RBFOX1: variants seen among roughly 807,000 people sequenced by gnomAD.
The protein encoded by RBFOX1 is RNA binding protein fox-1 homolog 1.
A neutral mutation model predicts 57.7 loss-of-function variants in RBFOX1; 8 were observed. The observed-to-expected ratio is 0.14, with a 90% CI of 0.08 to 0.25. The LOEUF is 0.25. RBFOX1 is among the 10% of genes least tolerant of loss of function. The pLI is 1.00. For synonymous variants in RBFOX1, 326 were observed against 222.4 expected (o/e 1.47, Z -4.15); for missense variants, 611 against 548.5 (o/e 1.11, Z -1.14).
chr16:6,168,543 T>C (rs886554996), intron 1 of RBFOX1, among the ~76,000 whole-genome samples: 5 of 152,156 alleles, frequency 3.3e-5, no homozygotes, highest in Non-Finnish European at 5.9e-5. Flanking sequence ...TCATTACCGA[T>C]TATGTATAAA....
At chr16:5,540,909 G>C (rs2044915377) in intron 2 of RBFOX1, among the ~76,000 whole-genome samples, 1 of 152,142 alleles carries the variant, frequency 6.6e-6, no homozygotes, top group African/African-American at 2.4e-5. Flanking sequence ...GAGTGCAGTG[G>C]TGTGATCTCG....
chr16:6,229,728 T>C (rs1053011050), intron 1 of RBFOX1, among the ~76,000 whole-genome samples: 5 of 152,114 alleles, frequency 3.3e-5, no homozygotes, highest in Admixed American at 6.6e-5. Context: ...AAAATAAGAT[T>C]TTCTTTGCTT....
intron 1 of RBFOX1, among the ~76,000 whole-genome samples, chr16:5,429,004 A>G (rs1032779608): frequency 4.6e-5 from 7 of 152,038 alleles, no homozygotes; most frequent in African/African-American, 1.7e-4. Context: ...GTGGCTTTTT[A>G]AATGGAAGTA....
intron 1 of RBFOX1, among the ~76,000 whole-genome samples, chr16:5,384,810 A>G (rs2066216681): frequency 6.6e-6 from 1 of 152,120 alleles, no homozygotes; most frequent in Admixed American, 6.5e-5. Context: ...AGGATGCTTC[A>G]CGTATAAATG....
At chr16:6,376,005 C>T (rs1222462747) in intron 2 of RBFOX1, among the ~76,000 whole-genome samples, 3 of 152,166 alleles carry the variant, frequency 2.0e-5, no homozygotes, top group African/African-American at 4.8e-5. Context: ...TGTTTCATGA[C>T]TCAGTCATCC....
At chr16:7,308,814 G>A (rs1568139214) in intron 4 of RBFOX1, among the ~76,000 whole-genome samples, 1 of 152,220 alleles carries the variant, frequency 6.6e-6, no homozygotes, top group Non-Finnish European at 1.5e-5. Flanking sequence ...ACCAGCCACG[G>A]TTATAAATTT....
intron 2 of RBFOX1, among the ~76,000 whole-genome samples, chr16:6,619,420 T>C (rs900192310): frequency 3.9e-5 from 6 of 152,220 alleles, no homozygotes; most frequent in African/African-American, 1.4e-4. Context: ...GTTCCCTTTT[T>C]CTGCAAACTC....
chr16:6,516,894 C>G (rs925866694), intron 2 of RBFOX1, among the ~76,000 whole-genome samples: 2 of 152,056 alleles, frequency 1.3e-5, no homozygotes, highest in Admixed American at 6.6e-5. Context: ...AAAAAGAGCC[C>G]CAGTCTTGGC....
intron 4 of RBFOX1, among the ~76,000 whole-genome samples, chr16:7,117,070 A>G (rs957140518): frequency 1.3e-5 from 2 of 152,262 alleles, no homozygotes; most frequent in African/African-American, 4.8e-5. Flanking sequence ...AGCTATAAAT[A>G]CTCAAAAGCA....
chr16:5,248,487 T>C (rs1378091622), intron 1 of RBFOX1, among the ~76,000 whole-genome samples: 1 of 152,124 alleles, frequency 6.6e-6, no homozygotes, highest in East Asian at 1.9e-4. Context: ...AGGGGGCAGG[T>C]CACCCACAGC....
chr16:6,463,540 G>A (rs1226828312), intron 2 of RBFOX1, among the ~76,000 whole-genome samples: 4 of 152,114 alleles, frequency 2.6e-5, no homozygotes, highest in Non-Finnish European at 5.9e-5. Flanking sequence ...CGGAGTGTAA[G>A]TGGCAGAAAT....
chr16:7,294,255 A>G (rs887971192), intron 4 of RBFOX1, among the ~76,000 whole-genome samples: 2 of 152,050 alleles, frequency 1.3e-5, no homozygotes, highest in Admixed American at 6.5e-5. Context: ...ACGCACTTAC[A>G]TTCAGTCCTG....
At chr16:6,827,191 A>C (rs1468027360) in intron 3 of RBFOX1, among the ~76,000 whole-genome samples, 2 of 128,878 alleles carry the variant, frequency 1.6e-5, no homozygotes, top group African/African-American at 6.4e-5. Context: ...AATCCATTGT[A>C]TTAGAGGTGT....
At chr16:5,325,682 A>G (rs2064550344) in intron 1 of RBFOX1, among the ~76,000 whole-genome samples, 1 of 152,204 alleles carries the variant, frequency 6.6e-6, no homozygotes, top group East Asian at 1.9e-4. Flanking sequence ...GAAACCATGT[A>G]GTATGCAACC....
intron 4 of RBFOX1, among the ~76,000 whole-genome samples, chr16:7,372,427 T>G (rs1461071847): frequency 6.6e-6 from 1 of 152,180 alleles, no homozygotes; most frequent in Non-Finnish European, 1.5e-5. Flanking sequence ...TTATGCCTCT[T>G]TATTTCTTTT....
chr16:7,080,766 G>C (rs538800010), intron 4 of RBFOX1, among the ~76,000 whole-genome samples: 1 of 152,178 alleles, frequency 6.6e-6, no homozygotes, highest in Non-Finnish European at 1.5e-5. Context: ...CCTCTTGCAA[G>C]GTATCATCAT....
In RBFOX1 at chr16:6,940,199, A is replaced by AAT. The variant is rs2078120739; in HGVS notation, c.-15-111857_-15-111856insTA. ...AGAGTGAGACTCCATCTCAAAAATA[A>AAT]AAATAAATAAATAAATAAATAGGTA... On this transcript the variant is annotated intron_variant, in intron 3 of 15. Transcript: ENST00000550418. Among the ~76,000 whole-genome samples the AAT allele has an allele frequency of 6.3e-5, 9 of 141,842 alleles. No individual in the cohort carries two copies. In the South Asian group the frequency reaches 2.1e-3, roughly 33 times the overall value. 93.1% of individuals were successfully genotyped at this position (141,842 alleles called of 152,430 possible).
At chr16:5,892,190 G>A (rs1172306380) in intron 4 of RBFOX1, among the ~76,000 whole-genome samples, 1 of 152,176 alleles carries the variant, frequency 6.6e-6, no homozygotes, top group African/African-American at 2.4e-5. Context: ...AGAGAGAGGG[G>A]CTGGCAGTGC....
chr16:7,134,396 A>T (rs1382824580), intron 4 of RBFOX1, among the ~76,000 whole-genome samples: 1 of 152,172 alleles, frequency 6.6e-6, no homozygotes, highest in East Asian at 1.9e-4. Flanking sequence ...ATTTATAGTG[A>T]TGGTGATTAC....
Sources: allele counts gnomAD v4.1 joint callset (sites outside exome capture counted in the v4.1 genomes callset), GRCh38; gene constraint gnomAD v4.1.1; transcripts MANE v1.5; gene names NCBI Gene and HGNC (gene_info 2026-07-23, HGNC 2026-07-21).